Variants in LHFPL3 observed in about 807,000 individuals in gnomAD.
The protein encoded by LHFPL3 is LHFPL tetraspan subfamily member 3.
Under a neutral mutation model 19.3 loss-of-function variants are expected in LHFPL3, and 5 were observed. The observed-to-expected ratio is 0.26, with a 90% CI of 0.14 to 0.54. LHFPL3 has a LOEUF of 0.54. LHFPL3 is among the 20% of genes least tolerant of loss of function. The pLI is 0.94. For synonymous variants in LHFPL3, 133 were observed against 126.2 expected (o/e 1.05, Z -0.36); for missense variants, 249 against 307.4 (o/e 0.81, Z 1.42).
intron 1 of LHFPL3, among the ~76,000 whole-genome samples, chr7:104,507,721 C>CTAA (rs1228351621): frequency 7.5e-6 from 1 of 133,776 alleles, no homozygotes; most frequent in Non-Finnish European, 1.6e-5. Context: ...TGACAAAGGG[C>CTAA]TAATATCCAG....
chr7:104,463,859 C>T (rs940522579), intron 1 of LHFPL3, among the ~76,000 whole-genome samples: 4 of 152,156 alleles, frequency 2.6e-5, no homozygotes, highest in African/African-American at 9.7e-5. Flanking sequence ...TATTGTCCGT[C>T]CCCAGCCCTT....
At chr7:104,712,339 G>A (rs1030471233) in intron 1 of LHFPL3, among the ~76,000 whole-genome samples, 1 of 152,160 alleles carries the variant, frequency 6.6e-6, no homozygotes, top group African/African-American at 2.4e-5. Context: ...CATCTGGTGA[G>A]GGTCCACTTC....
At chr7:104,409,754 C>T (rs1020161000) in intron 1 of LHFPL3, among the ~76,000 whole-genome samples, 4 of 152,160 alleles carry the variant, frequency 2.6e-5, no homozygotes, top group Non-Finnish European at 5.9e-5. Context: ...ACAGATTTAA[C>T]TTAAACATGG....
At chr7:104,395,862 CA>C (rs34065345) in intron 1 of LHFPL3, among the ~76,000 whole-genome samples, 2 of 152,130 alleles carry the variant, frequency 1.3e-5, no homozygotes, top group East Asian at 3.8e-4. Flanking sequence ...GCAACACTCT[CA>C]AAAAATAAAA....
chr7:104,890,694 G>A (rs1034551809), intron 2 of LHFPL3, among the ~76,000 whole-genome samples: 8 of 152,210 alleles, frequency 5.3e-5, no homozygotes, highest in African/African-American at 1.9e-4. Context: ...GAAATGGCGG[G>A]GAAGCCAGGC....
At chr7:104,563,885 C>G (rs1424089888) in intron 1 of LHFPL3, among the ~76,000 whole-genome samples, 1 of 152,190 alleles carries the variant, frequency 6.6e-6, no homozygotes, top group Admixed American at 6.5e-5. Flanking sequence ...GCTGGATAAA[C>G]AGAAATATTA....
chr7:104,657,687 C>T (rs1043541980), intron 1 of LHFPL3, among the ~76,000 whole-genome samples: 2 of 152,168 alleles, frequency 1.3e-5, no homozygotes, highest in Non-Finnish European at 2.9e-5. Context: ...CCAGTTGCTG[C>T]CCTCCCTCTG....
At chr7:104,585,290 A>T (rs1790544791) in intron 1 of LHFPL3, among the ~76,000 whole-genome samples, 1 of 152,022 alleles carries the variant, frequency 6.6e-6, no homozygotes, top group Non-Finnish European at 1.5e-5. Flanking sequence ...ACCTCCTTAT[A>T]ACCAACTATT....
At chr7:104,676,516 T>C (rs949403970) in intron 1 of LHFPL3, among the ~76,000 whole-genome samples, 2 of 152,210 alleles carry the variant, frequency 1.3e-5, no homozygotes, top group Admixed American at 6.5e-5. Flanking sequence ...AAACTTCCCA[T>C]GTGATGTGTT....
intron 1 of LHFPL3, among the ~76,000 whole-genome samples, chr7:104,367,053 C>T (rs1289605746): frequency 2.0e-5 from 3 of 152,096 alleles, no homozygotes; most frequent in African/African-American, 4.8e-5. Context: ...TAGTAAAGTC[C>T]GGACTGCATG....
chr7:104,701,097 G>A (rs911321306), intron 1 of LHFPL3, among the ~76,000 whole-genome samples: 3 of 152,070 alleles, frequency 2.0e-5, no homozygotes, highest in African/African-American at 4.8e-5. Context: ...ATGCCCTCTC[G>A]CTTGATGGAT....
intron 1 of LHFPL3, among the ~76,000 whole-genome samples, chr7:104,518,847 A>ATAG (rs1554403112): frequency 0.035 from 4,634 of 133,320 alleles, 225 homozygotes; most frequent in African/African-American, 0.15. Flanking sequence ...AGATAGATAG[A>ATAG]ATAAATAAAA....
At chr7:104,769,197 G>A (rs1025154349) in intron 2 of LHFPL3, among the ~76,000 whole-genome samples, 17 of 152,356 alleles carry the variant, frequency 1.1e-4, no homozygotes, top group African/African-American at 4.1e-4. Context: ...TCAAGTTTGA[G>A]CAGAGAGGCC....
chr7:104,425,983 T>G (rs1331630444), intron 1 of LHFPL3, among the ~76,000 whole-genome samples: 1 of 152,226 alleles, frequency 6.6e-6, no homozygotes. Context: ...CTGTGTCATT[T>G]GAACTGTTGC....
At chr7:104,499,658 A>G (rs928875579) in intron 1 of LHFPL3, among the ~76,000 whole-genome samples, 6 of 152,230 alleles carry the variant, frequency 3.9e-5, no homozygotes, top group Non-Finnish European at 8.8e-5. Flanking sequence ...AAAGAGACCT[A>G]GTGACGAGTA....
At chr7:104,811,022 C>T (rs1450217690) in intron 2 of LHFPL3, among the ~76,000 whole-genome samples, 1 of 152,168 alleles carries the variant, frequency 6.6e-6, no homozygotes, top group African/African-American at 2.4e-5. Context: ...AGGAATAGCT[C>T]CAGATGTGTT....
chr7:104,368,293 T>G (rs1448292949), intron 1 of LHFPL3, among the ~76,000 whole-genome samples: 1 of 152,148 alleles, frequency 6.6e-6, no homozygotes, highest in Non-Finnish European at 1.5e-5. Context: ...GTTGTTATTG[T>G]GGTAAGAACA....
intron 1 of LHFPL3, among the ~76,000 whole-genome samples, chr7:104,596,602 G>A (rs186663216): frequency 2.0e-4 from 31 of 152,288 alleles, no homozygotes; most frequent in African/African-American, 6.7e-4. Flanking sequence ...TTCAAGATGT[G>A]TTAAAAGCAC....
At chr7:104,469,233 T>A (rs1455848259) in intron 1 of LHFPL3, among the ~76,000 whole-genome samples, 2 of 152,226 alleles carry the variant, frequency 1.3e-5, no homozygotes, top group Admixed American at 1.3e-4. Context: ...TGATGAGGTC[T>A]AAAAGCTGAC....
Sources: allele counts gnomAD v4.1 joint callset (sites outside exome capture counted in the v4.1 genomes callset), GRCh38; gene constraint gnomAD v4.1.1; transcripts MANE v1.5; gene names NCBI Gene and HGNC (gene_info 2026-07-23, HGNC 2026-07-21).